The following RPN2 variants were observed in gnomAD, a reference collection of about 807,000 sequenced individuals.
The protein encoded by RPN2 is dolichyl-diphosphooligosaccharide--protein glycosyltransferase subunit 2.
A neutral mutation model predicts 71.4 loss-of-function variants in RPN2; 29 were observed. That is an observed-to-expected ratio of 0.41 (90% CI 0.30 to 0.55). The LOEUF (loss-of-function observed/expected upper bound fraction) is 0.55, where lower values mean the gene tolerates loss of function less well. RPN2 is among the 20% of genes least tolerant of loss of function. The pLI is 0.35. For missense variants in RPN2, 726 were observed against 774.1 expected, an observed-to-expected ratio of 0.94 and a Z score of 0.74; for synonymous variants, 308 against 305.0, an observed-to-expected ratio of 1.01 and a Z score of -0.10.
At chr20:37,201,710 G>A (rs779299063) in intron 4 of RPN2, among the ~76,000 whole-genome samples, 10 of 152,164 alleles carry the variant, frequency 6.6e-5, no homozygotes, top group Non-Finnish European at 1.3e-4. Context: ...TAGGGTCATT[G>A]TGAAATCCAA....
At chr20:37,230,886 G>T (rs1187483950) in intron 13 of RPN2, among the ~76,000 whole-genome samples, 1 of 151,938 alleles carries the variant, frequency 6.6e-6, no homozygotes, top group Non-Finnish European at 1.5e-5. Context: ...GTAGGTGGCA[G>T]CAGCTGCTAT....
At chr20:37,234,737 G>A (rs1041670634) in intron 15 of RPN2, among the ~76,000 whole-genome samples, 11 of 151,012 alleles carry the variant, frequency 7.3e-5, no homozygotes, top group Admixed American at 2.0e-4. Flanking sequence ...CTGGAGTGCA[G>A]TGGTGCATTC....
intron 2 of RPN2, among the ~76,000 whole-genome samples, chr20:37,185,946 GTA>G (rs1600734110): frequency 2.0e-5 from 3 of 152,348 alleles, no homozygotes; most frequent in South Asian, 2.1e-4. Context: ...TCATGTTGTC[GTA>G]TTGTCAGCAA....
intron 14 of RPN2, among the ~76,000 whole-genome samples, chr20:37,233,778 C>G (rs952807913): frequency 3.3e-5 from 5 of 152,178 alleles, no homozygotes; most frequent in African/African-American, 9.7e-5. Context: ...AAATGATGTT[C>G]AGGTTTGAGT....
At chr20:37,210,784 G>A (rs959481551) in intron 8 of RPN2, among the ~76,000 whole-genome samples, 3 of 151,958 alleles carry the variant, frequency 2.0e-5, no homozygotes, top group Non-Finnish European at 2.9e-5. Flanking sequence ...CACCTGCCTC[G>A]GCCTCCCTAA....
At chr20:37,239,172 A>G (rs2068485220) in intron 16 of RPN2, among the ~76,000 whole-genome samples, 1 of 152,196 alleles carries the variant, frequency 6.6e-6, no homozygotes, top group Non-Finnish European at 1.5e-5. Flanking sequence ...GCCAGACAGT[A>G]TTTTAGGCTT....
Position 37,184,243 on chromosome 20 carries a change from C to T in RPN2, c.77C>T (p.Thr26Ile). The T allele has an allele frequency of 6.2e-7, 1 of 1,614,216 alleles. No individual in the cohort carries two copies. Among genetic ancestry groups the T allele is most frequent in the Non-Finnish European group, 8.5e-7 (1 of 1,180,036 alleles). ...IIASTWALTP[T>I]HYLTKHDVER... ...GCCAGCACCTGGGCTCTGACGCCCA[C>T]TCACTACCTCACCAAGCATGACGTG... Residue 26 changes from threonine (T) to isoleucine (I), a missense_variant, in exon 2 of 17, where the codon ACT (threonine) becomes ATT (isoleucine). Thr to Ile is a moderately conservative substitution (Grantham distance 89). Coordinates refer to ENST00000237530, the MANE Select transcript of RPN2 (RefSeq NM_002951.5).
chr20:37,228,443 A>T, intron 11 of RPN2, 107 bp from the exon 12 acceptor site: 1 of 1,079,542 alleles, frequency 9.3e-7, no homozygotes, highest in Non-Finnish European at 1.4e-6. Context: ...CAGAGCTCTC[A>T]CTGTGACAAA....
Position 37,241,291 on chromosome 20 carries a change from A to G in RPN2, c.1884-12A>G. 1 of 1,612,500 alleles carries G rather than the reference A, an allele frequency of 6.2e-7. No individual in the cohort carries two copies. The highest frequency in any genetic ancestry group is 8.5e-7 in the Non-Finnish European group (1 of 1,179,106). On this transcript the variant is annotated splice_polypyrimidine_tract_variant and intron_variant, in intron 16 of 16. Coordinates refer to ENST00000237530, the MANE Select transcript of RPN2 (RefSeq NM_002951.5). ...CTTCAGTAATTCTGTGTTTGTCTCC[A>G]TTTTCTTTCAGAACAGCACATTAGT...
At chr20:37,199,017 T>C in intron 3 of RPN2, 33 bp from the exon 4 acceptor site, 1 of 1,587,670 alleles carries the variant, frequency 6.3e-7, no homozygotes, top group South Asian at 1.1e-5. Context: ...CAAGACCTGT[T>C]CTAAAACTCT....
Position 37,217,813 on chromosome 20 carries a change from C to T in RPN2, c.1092+3948C>T, listed in dbSNP as rs535227031. On this transcript the variant is annotated intron_variant, in intron 9 of 16. Transcript: ENST00000237530. ...CACGATCTTGGCTTACTGCAACCTC[C>T]GCCTCCACCTCCCGGGTTCAAGTGA... Among the ~76,000 whole-genome samples, 163 of 151,802 alleles carry T rather than the reference C, an allele frequency of 1.1e-3. 1 individual carries two copies. Among genetic ancestry groups the T allele is most frequent in the Non-Finnish European group, 1.8e-3 (123 of 67,948 alleles).
intron 2 of RPN2, among the ~76,000 whole-genome samples, chr20:37,191,665 T>C (rs559365665): frequency 2.4e-4 from 37 of 152,106 alleles, no homozygotes; most frequent in African/African-American, 5.8e-4. Flanking sequence ...CTACTTTTTT[T>C]TTTTTTGAGA....
intron 9 of RPN2, among the ~76,000 whole-genome samples, chr20:37,222,598 A>G (rs2067987502): frequency 6.6e-6 from 1 of 152,206 alleles, no homozygotes; most frequent in South Asian, 2.1e-4. Context: ...TGCCAGAGCT[A>G]TCCTTCAATT....
chr20:37,180,136 G>A (rs1371987679), intron 1 of RPN2, among the ~76,000 whole-genome samples: 1 of 152,218 alleles, frequency 6.6e-6, no homozygotes, highest in East Asian at 1.9e-4. Flanking sequence ...ATGTACTCTT[G>A]TTACTACCAT....
At chr20:37,214,982 C>T (rs1206729119) in intron 9 of RPN2, among the ~76,000 whole-genome samples, 1 of 152,056 alleles carries the variant, frequency 6.6e-6, no homozygotes, top group Non-Finnish European at 1.5e-5. Context: ...AATTGGAATT[C>T]TGCTGTAAGA....
At chr20:37,224,585 T>C (rs2068035148) in intron 10 of RPN2, among the ~76,000 whole-genome samples, 1 of 152,198 alleles carries the variant, frequency 6.6e-6, no homozygotes, top group African/African-American at 2.4e-5. Flanking sequence ...TCAGAATCTT[T>C]TTTTGAAACA....
intron 9 of RPN2, among the ~76,000 whole-genome samples, chr20:37,216,183 A>G (rs909425028): frequency 2.0e-4 from 31 of 152,192 alleles, no homozygotes; most frequent in Admixed American, 1.3e-3. Flanking sequence ...TACTAAAAAC[A>G]CAAAAAGTAG....
intron 7 of RPN2, among the ~76,000 whole-genome samples, chr20:37,208,928 A>T (rs1052166737): frequency 6.6e-6 from 1 of 152,100 alleles, no homozygotes; most frequent in Non-Finnish European, 1.5e-5. Flanking sequence ...AAAATTGCCC[A>T]TTTTCTCCCT....
chr20:37,190,046 C>T (rs1214607356), intron 2 of RPN2, among the ~76,000 whole-genome samples: 1 of 152,098 alleles, frequency 6.6e-6, no homozygotes, highest in African/African-American at 2.4e-5. Context: ...TAATGTTAAC[C>T]TCTGGCAGGA....
Sources: allele counts gnomAD v4.1 joint callset (sites outside exome capture counted in the v4.1 genomes callset), GRCh38; gene constraint gnomAD v4.1.1; transcripts MANE v1.5; gene names NCBI Gene and HGNC (gene_info 2026-07-23, HGNC 2026-07-21).